The following GRIP1 variants were observed in gnomAD, a reference collection of about 807,000 sequenced individuals.
GRIP1 encodes glutamate receptor-interacting protein 1.
GRIP1 carries 45 observed loss-of-function variants against 129.9 expected under a neutral mutation model. The observed-to-expected ratio is 0.35, with a 90% CI of 0.27 to 0.44. The LOEUF is 0.44. GRIP1 is among the 20% of genes least tolerant of loss of function. The pLI is 1.00. For missense variants in GRIP1, 1,196 were observed against 1,396.8 expected (o/e 0.86, Z 2.29); for synonymous variants, 530 against 520.8 (o/e 1.02, Z -0.24).
At chr12:66,706,586 A>G (rs1203758459) in intron 1 of GRIP1, among the ~76,000 whole-genome samples, 1 of 152,114 alleles carries the variant, frequency 6.6e-6, no homozygotes, top group East Asian at 1.9e-4. Context: ...TTGCAGCACT[A>G]TTTACAATAC....
rs2138353063 is a variant in GRIP1 at position 66,465,354 on chromosome 12, C to A, written c.793G>T (p.Val265Phe). ...CAGCACATCGAGGTAGTTAGGGCAA[C>A]CCCAAGGCTGGCACCAGGAGTTTTG... is the stretch of plus-strand genomic sequence containing the variant. ...VAKTPGASLG[V>F]ALTTSMCCNK... is the part of the protein sequence containing the mutation. The change falls in exon 8 of 25, where the codon GTT (valine) becomes TTT (phenylalanine). Residue 265 changes from valine to phenylalanine, a missense_variant. Around this residue, in one of 5 missense-constraint regions of GRIP1, gnomAD observed 508 missense variants for 587.0 expected, o/e 0.87. Coordinates refer to ENST00000359742, the MANE Select transcript of GRIP1 (RefSeq NM_001366722.1). 1 of 1,613,802 alleles carries A rather than the reference C, an allele frequency of 6.2e-7. No individual in the cohort carries two copies. Among genetic ancestry groups the A allele is most frequent in the Non-Finnish European group, 8.5e-7 (1 of 1,179,700 alleles).
chr12:66,675,504 T>C (rs1371580631), intron 1 of GRIP1, among the ~76,000 whole-genome samples: 1 of 152,112 alleles, frequency 6.6e-6, no homozygotes, highest in African/African-American at 2.4e-5. Flanking sequence ...GTGGGAGCCA[T>C]GAAAATATCT....
At chr12:66,532,164 C>G (rs573047524) in intron 4 of GRIP1, among the ~76,000 whole-genome samples, 1 of 152,136 alleles carries the variant, frequency 6.6e-6, no homozygotes, top group Non-Finnish European at 1.5e-5. Context: ...ATGTTGACTG[C>G]GTTTTAATAC....
chr12:66,441,757 A>C (rs2058477348), intron 13 of GRIP1, among the ~76,000 whole-genome samples: 1 of 152,174 alleles, frequency 6.6e-6, no homozygotes, highest in Non-Finnish European at 1.5e-5. Flanking sequence ...TAGTATTAGC[A>C]GTGGATTTGC....
At chr12:66,895,941 C>T (rs2040740018) in intron 1 of GRIP1, among the ~76,000 whole-genome samples, 1 of 152,144 alleles carries the variant, frequency 6.6e-6, no homozygotes, top group Non-Finnish European at 1.5e-5. Flanking sequence ...GTTAAAATTC[C>T]TGTCATTGAG....
At chr12:66,436,699 G>T (rs2058315772) in intron 13 of GRIP1, among the ~76,000 whole-genome samples, 1 of 152,168 alleles carries the variant, frequency 6.6e-6, no homozygotes, top group East Asian at 1.9e-4. Flanking sequence ...AGACAGATTT[G>T]GGGCCAGGCG....
At chr12:66,913,280 G>A (rs1024395789) in intron 1 of GRIP1, among the ~76,000 whole-genome samples, 1 of 152,236 alleles carries the variant, frequency 6.6e-6, no homozygotes, top group African/African-American at 2.4e-5. Flanking sequence ...AGCATGTGCA[G>A]TAAACTTATC....
intron 1 of GRIP1, among the ~76,000 whole-genome samples, chr12:67,019,477 C>A (rs1273172020): frequency 6.6e-6 from 1 of 152,066 alleles, no homozygotes; most frequent in African/African-American, 2.4e-5. Context: ...AGATGTACAT[C>A]GTGAAAAATA....
intron 20 of GRIP1, among the ~76,000 whole-genome samples, chr12:66,378,451 CAAAAATA>C (rs2055923815): frequency 7.1e-6 from 1 of 139,864 alleles, no homozygotes; most frequent in Admixed American, 7.2e-5. Context: ...GACCTTGTCT[CAAAAATA>C]AAAAATAGGC....
At chr12:66,928,882 G>A (rs986667472) in intron 1 of GRIP1, among the ~76,000 whole-genome samples, 6 of 152,152 alleles carry the variant, frequency 3.9e-5, no homozygotes, top group Non-Finnish European at 5.9e-5. Context: ...CTGGGTTGAC[G>A]TTTACTGGGA....
chr12:66,639,014 T>C (rs2031676060), intron 1 of GRIP1, among the ~76,000 whole-genome samples: 1 of 152,220 alleles, frequency 6.6e-6, no homozygotes, highest in South Asian at 2.1e-4. Flanking sequence ...GCAAATCTAA[T>C]TGCAGTTTAA....
chr12:66,731,388 T>C (rs1344156989), intron 1 of GRIP1, among the ~76,000 whole-genome samples: 1 of 152,184 alleles, frequency 6.6e-6, no homozygotes, highest in Non-Finnish European at 1.5e-5. Context: ...TACATTTAGT[T>C]TTAGGGACTG....
intron 1 of GRIP1, among the ~76,000 whole-genome samples, chr12:66,888,530 T>C (rs990380920): frequency 1.2e-4 from 19 of 152,212 alleles, no homozygotes; most frequent in African/African-American, 4.6e-4. Flanking sequence ...CAGCTAATTT[T>C]CACATTATTT....
chr12:66,775,340 A>G (rs2037945508), intron 1 of GRIP1, among the ~76,000 whole-genome samples: 1 of 152,256 alleles, frequency 6.6e-6, no homozygotes, highest in African/African-American at 2.4e-5. Context: ...AATTTAAAAT[A>G]CACGTGAGAG....
intron 1 of GRIP1, among the ~76,000 whole-genome samples, chr12:66,659,669 A>G (rs1014538435): frequency 7.2e-5 from 11 of 152,214 alleles, no homozygotes; most frequent in African/African-American, 2.7e-4. Flanking sequence ...ATTCTTTTAC[A>G]TTTAAAATTG....
chr12:66,539,551 T>A (rs2061710268), intron 3 of GRIP1, among the ~76,000 whole-genome samples: 1 of 145,146 alleles, frequency 6.9e-6, no homozygotes, highest in Non-Finnish European at 1.5e-5. Context: ...GAAGCTTTTT[T>A]TTTTTTTTTT....
intron 1 of GRIP1, among the ~76,000 whole-genome samples, chr12:67,006,836 T>C (rs1217765028): frequency 6.6e-6 from 1 of 152,222 alleles, no homozygotes; most frequent in Non-Finnish European, 1.5e-5. Flanking sequence ...GACAATCTGT[T>C]GCCTTGGTTT....
rs942640217 is a variant in GRIP1, at chr12:66,874,718, T to C, written c.58+194332A>G. Among the ~76,000 whole-genome samples the C allele has an allele frequency of 1.2e-4, 18 of 152,156 alleles. 1 individual carries two copies. Among genetic ancestry groups the C allele is most frequent in the Admixed American group, 1.1e-3 (17 of 15,264 alleles). On this transcript the variant is annotated intron_variant, in intron 1 of 1. Transcript: ENST00000643019. ...GTGATAATTCACTCACTCACTATCA[T>C]GAGATTAGCACTGAGATGGTGCTAA...
chr12:66,459,829 G>A (rs2138285446), intron 9 of GRIP1, among the ~76,000 whole-genome samples: 1 of 152,334 alleles, frequency 6.6e-6, no homozygotes, highest in South Asian at 2.1e-4. Context: ...CTGTTTTACA[G>A]TGGTGTACTT....
Sources: gnomAD v4.1 joint callset for allele counts (sites outside exome capture counted in the v4.1 genomes callset) on GRCh38, gnomAD v4.1.1 for gene constraint, gnomAD v4.1.1 regional missense constraint, MANE v1.5 for transcripts, NCBI Gene and HGNC (gene_info 2026-07-23, HGNC 2026-07-21) for gene names.